Variants in DOK7 observed in about 807,000 individuals in gnomAD.
DOK7 encodes protein Dok-7.
In DOK7, 32 loss-of-function variants were observed where a neutral mutation model predicts 30.7. That is an observed-to-expected ratio of 1.04 (90% CI 0.79 to 1.40). DOK7 has a LOEUF of 1.40. Ranked by LOEUF, DOK7 falls within the 40% of genes most tolerant of loss-of-function variation. DOK7 has a pLI of 0.00. For synonymous variants in DOK7, 447 were observed against 324.1 expected (o/e 1.38, Z -4.07); for missense variants, 1,007 against 699.2 (o/e 1.44, Z -4.97).
In DOK7 at chr4:3,494,067, C is replaced by G; in HGVS notation, c.*566C>G. 1.0e-6 allele frequency: 1 copy of G among 986,966 alleles called. No homozygotes were observed. Among genetic ancestry groups the G allele is most frequent in the Non-Finnish European group, 1.2e-6 (1 of 831,114 alleles). 61.1% of individuals were successfully genotyped at this position (986,966 alleles called of 1,614,324 possible). On this transcript the variant is annotated 3_prime_UTR_variant, in exon 7 of 7. Transcript: ENST00000340083. Reference sequence around the variant, plus strand: ...AACTGAAGCTCAGGAGGCTGTGTGGCTTGCGGGGTCTCTGGGTTCTGGGCC... The same window carrying G: ...AACTGAAGCTCAGGAGGCTGTGTGGGTTGCGGGGTCTCTGGGTTCTGGGCC...
Position 3,492,525 on chromosome 4 carries a change from G to A in DOK7, c.773-234G>A, listed in dbSNP as rs115385122. Among the ~76,000 whole-genome samples the A allele has an allele frequency of 8.8e-3, 1,339 of 152,216 alleles. 25 individuals carry two copies. The highest frequency in any genetic ancestry group is 0.031 in the African/African-American group (1,280 of 41,516). Reference sequence around the variant, plus strand: ...GTGCTGAGAGGGAGGGGCGCAGGCCGTAGGAGAACAGGTGGCAGAAGGACA... The same window carrying A: ...GTGCTGAGAGGGAGGGGCGCAGGCCATAGGAGAACAGGTGGCAGAAGGACA... On this transcript the variant is annotated intron_variant, in intron 6 of 6. Coordinates refer to ENST00000340083, the MANE Select transcript of DOK7 (RefSeq NM_173660.5).
In DOK7 at chr4:3,463,692, C is replaced by G. The variant is rs1040835049; in HGVS notation, c.100+141C>G. The G allele has an allele frequency of 2.8e-6, 3 of 1,074,214 alleles. No individual in the cohort carries two copies. The East Asian group carries it at 8.2e-5, about 29-fold the overall frequency. The allele number at this position is 1,074,214 out of a possible 1,614,324, so 66.5% of individuals were successfully genotyped here. Reference sequence around the variant, plus strand: ...CCCGAGAGCCCCGTGCGGACCCGGACCCCCCGGCGCCCCTGGGAGCGCAGG... The same window carrying G: ...CCCGAGAGCCCCGTGCGGACCCGGAGCCCCCGGCGCCCCTGGGAGCGCAGG... On this transcript the variant is annotated intron_variant, in intron 2 of 6. Transcript: ENST00000340083.
At chr4:3,489,057 C>T (rs7666337) in intron 5 of DOK7, among the ~76,000 whole-genome samples, 1,823 of 152,262 alleles carry the variant, frequency 0.012, 16 homozygotes, top group Middle Eastern at 0.02. Context: ...GCCACTCAGT[C>T]GCAGAGGACA....
At chr4:3,489,591 C>T (rs1239826651) in intron 5 of DOK7, 86 bp from the exon 6 acceptor site, 1 of 1,546,562 alleles carries the variant, frequency 6.5e-7, no homozygotes, top group South Asian at 1.2e-5. Context: ...AGGGGGATAA[C>T]CACTGAGTCA....
chr4:3,473,872 C>T (rs1239913183), intron 3 of DOK7, among the ~76,000 whole-genome samples: 1 of 152,178 alleles, frequency 6.6e-6, no homozygotes, highest in Non-Finnish European at 1.5e-5. Context: ...CCGTTAGTTA[C>T]AACTGGAGCC....
chr4:3,490,917 T>C (rs1252704464), intron 6 of DOK7, among the ~76,000 whole-genome samples: 6 of 134,762 alleles, frequency 4.5e-5, no homozygotes, highest in African/African-American at 3.0e-5. Context: ...CCTCTGCTCA[T>C]TCATTCCTTC....
intron 5 of DOK7, among the ~76,000 whole-genome samples, chr4:3,488,775 C>G (rs1471024557): frequency 6.6e-6 from 1 of 151,470 alleles, no homozygotes; most frequent in Non-Finnish European, 1.5e-5. Context: ...TCGGTTTGCT[C>G]TTGCGGGTGT....
intron 4 of DOK7, among the ~76,000 whole-genome samples, chr4:3,483,992 G>A (rs1309712278): frequency 6.6e-6 from 1 of 152,182 alleles, no homozygotes; most frequent in African/African-American, 2.4e-5. Context: ...TCCCCTCCAT[G>A]CCCACCTCCA....
At chr4:3,500,750 A>G in exon 8 of DOK7, 1 of 1,534,932 alleles carries the variant, frequency 6.5e-7, no homozygotes, top group East Asian at 2.4e-5. Flanking sequence ...CGGCGCACAG[A>G]GTGGGGGTGC....
intron 6 of DOK7, among the ~76,000 whole-genome samples, chr4:3,490,199 CCCCCCTCATTCATTCCTGTCTTCA>C (rs1278295824): frequency 0.011 from 831 of 74,806 alleles, 12 homozygotes; most frequent in African/African-American, 0.042. Context: ...CTCATTCCTT[CCCCCCTCATTCATTCCTGTCTTCA>C]CCCCCTCATT....
rs6850908 is a variant in DOK7 at position 3,493,171 on chromosome 4, C to G, written c.1185C>G (p.Tyr395Ter). Residue 395 changes from tyrosine (Y) to a stop codon, truncating the protein, a stop_gained, in exon 7 of 7, where the codon TAC (tyrosine) becomes TAG (stop). Transcript: ENST00000340083. LOFTEE classifies it low-confidence loss of function (END_TRUNC). ...LCTCLPGTVEYQVPTSLRAHY... is the reference protein window; with the variant it reads ...LCTCLPGTVE The stretch of plus-strand genomic sequence containing the variant: ...CCTGCCTGCCCGGGACAGTCGAGTA[C>G]CAGGTGCCCACCTCCCTGCGGGCCC... 6.2e-7 allele frequency: 1 copy of G among 1,607,446 alleles called. No homozygotes were observed. Among genetic ancestry groups the G allele is most frequent in the East Asian group, 2.2e-5 (1 of 44,556 alleles).
At chr4:3,467,315 C>A (rs1726352921) in intron 2 of DOK7, among the ~76,000 whole-genome samples, 1 of 151,728 alleles carries the variant, frequency 6.6e-6, no homozygotes, top group Admixed American at 6.6e-5. Context: ...CGGCTCTCCG[C>A]CCTGGCTGTA....
downstream of DOK7, among the ~76,000 whole-genome samples, chr4:3,495,030 G>T (rs1424051842): frequency 6.6e-6 from 1 of 152,214 alleles, no homozygotes; most frequent in African/African-American, 2.4e-5. Flanking sequence ...GCAGTGCCTG[G>T]TGAGCAAGCG....
rs1348561861 is a variant in DOK7 at position 3,492,117 on chromosome 4, A to C, written c.773-642A>C. On this transcript the variant is annotated intron_variant, in intron 6 of 6. Coordinates refer to ENST00000340083, the MANE Select transcript of DOK7 (RefSeq NM_173660.5). ...CAGGCAGCTTAGAGACGCAGCAGAG[A>C]TGAAAGTGGCTTTCCCAAGAGCACG... 3.3e-5 allele frequency among the ~76,000 whole-genome samples: 5 copies of C among 152,190 alleles called. No homozygotes were observed. The East Asian group carries it at 9.6e-4, about 29-fold the overall frequency.
Position 3,492,949 on chromosome 4 carries a change from G to A in DOK7, c.963G>A (p.Pro321=), listed in dbSNP as rs112624739. ...GTGCCTCAAGGCCACCCCCCAAGCC[G>A]CTGCGTCCGCGGCAGCTGCAGGAGG... The part of the protein sequence containing the change: ...MVGASRPPPK[P]LRPRQLQEVG... Residue 321 remains proline (P), a synonymous_variant, in exon 7 of 7, where the codon CCG becomes CCA. Transcript: ENST00000340083. 2.3e-5 allele frequency: 36 copies of A among 1,553,726 alleles called. No individual in the cohort carries two copies. The highest frequency in any genetic ancestry group is 2.0e-4 in the African/African-American group (15 of 73,586).
intron 6 of DOK7, among the ~76,000 whole-genome samples, chr4:3,499,960 T>C (rs1172793728): frequency 7.4e-6 from 1 of 135,242 alleles, no homozygotes; most frequent in Non-Finnish European, 1.6e-5. Context: ...GGGGGGCCCA[T>C]GGGGGGGTCG....
intron 2 of DOK7, among the ~76,000 whole-genome samples, chr4:3,464,134 C>G (rs377383078): frequency 6.6e-6 from 1 of 152,124 alleles, no homozygotes; most frequent in East Asian, 1.9e-4. Context: ...CAGCCCAGGC[C>G]GCCTGCAGCG....
At chr4:3,463,452 G>GGGC in intron 1 of DOK7, 23 bp downstream of exon 1, 1 of 388,686 alleles carries the variant, frequency 2.6e-6, no homozygotes, top group African/African-American at 6.1e-5. Flanking sequence ...CGGGGGCGCG[G>GGGC]GGGGGGGGGG....
chr4:3,464,160 G>A (rs951263446), intron 2 of DOK7, among the ~76,000 whole-genome samples: 2 of 152,202 alleles, frequency 1.3e-5, no homozygotes, highest in African/African-American at 2.4e-5. Flanking sequence ...CCTGTAGGGA[G>A]GGCTGAGCCG....
Sources: gnomAD v4.1 joint callset for allele counts (sites outside exome capture counted in the v4.1 genomes callset) on GRCh38, gnomAD v4.1.1 for gene constraint, MANE v1.5 for transcripts, NCBI Gene and HGNC (gene_info 2026-07-23, HGNC 2026-07-21) for gene names.